The following CUX1 variants were observed in gnomAD, a reference collection of about 807,000 sequenced individuals.
The protein encoded by CUX1 is protein CASP.
In CUX1, 31 loss-of-function variants were observed where a neutral mutation model predicts 158.8. The ratio of observed to expected loss-of-function variants is 0.20; its 90% confidence interval spans 0.15 to 0.26. The LOEUF is 0.26. Ranked by LOEUF, CUX1 falls within the 10% of genes least tolerant of loss-of-function variation. The pLI is 1.00. For missense variants in CUX1, 1,589 were observed against 2,014.6 expected (o/e 0.79, Z 4.04); for synonymous variants, 879 against 862.1 (o/e 1.02, Z -0.34).
chr7:102,243,677 T>TA (rs200091734), intron 23 of CUX1, among the ~76,000 whole-genome samples: 3 of 139,054 alleles, frequency 2.2e-5, no homozygotes, highest in South Asian at 2.2e-4. Context: ...ATAATAATAA[T>TA]AAAATAAATG....
At chr7:102,275,057 C>T (rs981006629) in intron 16 of CUX1, among the ~76,000 whole-genome samples, 44 of 152,278 alleles carry the variant, frequency 2.9e-4, no homozygotes, top group African/African-American at 9.9e-4. Flanking sequence ...TCCATTCTCA[C>T]GCTCCCCGGT....
At chr7:101,934,345 T>C (rs1806668941) in intron 2 of CUX1, among the ~76,000 whole-genome samples, 1 of 152,230 alleles carries the variant, frequency 6.6e-6, no homozygotes, top group South Asian at 2.1e-4. Flanking sequence ...CTTTTCACTA[T>C]AATGCGCTCC....
chr7:101,972,388 A>T (rs1051815390), intron 2 of CUX1, among the ~76,000 whole-genome samples: 1 of 152,246 alleles, frequency 6.6e-6, no homozygotes, highest in Non-Finnish European at 1.5e-5. Flanking sequence ...CTTTTTAGAC[A>T]CATACCGTTC....
intron 2 of CUX1, among the ~76,000 whole-genome samples, chr7:101,966,999 TTTTTATTTTA>T (rs112895925): frequency 6.6e-6 from 1 of 152,152 alleles, no homozygotes; most frequent in Non-Finnish European, 1.5e-5. Flanking sequence ...ATTTGGAATT[TTTTTATTTTA>T]TTTTATTTTA....
Position 102,254,699 on chromosome 7 carries a change from G to A in CUX1, c.*5657G>A, listed in dbSNP as rs993276941. ...GCTTCTGTGGTTTCACCTGGGCATC[G>A]ACGACATTAGGGAAGCCTTTGTGAC... is the stretch of plus-strand genomic sequence containing the variant. On this transcript the variant is annotated 3_prime_UTR_variant, in exon 24 of 24. Coordinates refer to ENST00000292535, the MANE Select transcript of CUX1 (RefSeq NM_181552.4). The A allele has an allele frequency of 4.2e-5, 41 of 985,496 alleles. No homozygotes were observed. The highest frequency in any genetic ancestry group is 1.0e-3 in the Middle Eastern group (2 of 1,916). The allele number at this position is 985,496 out of a possible 1,614,324, so 61.0% of individuals were successfully genotyped here.
intron 1 of CUX1, among the ~76,000 whole-genome samples, chr7:101,843,803 G>A (rs978417549): frequency 5.3e-5 from 8 of 152,116 alleles, no homozygotes; most frequent in South Asian, 2.1e-4. Context: ...CAGAATCAGC[G>A]TCACCAGGTA....
At chr7:102,234,842 G>T (rs1554532066) in intron 22 of CUX1, among the ~76,000 whole-genome samples, 2 of 151,340 alleles carry the variant, frequency 1.3e-5, no homozygotes, top group Non-Finnish European at 2.9e-5. Flanking sequence ...TGAGGCACAA[G>T]AATCGCTTGA....
At chr7:102,124,851 G>A (rs1031165193) in intron 8 of CUX1, among the ~76,000 whole-genome samples, 3 of 150,934 alleles carry the variant, frequency 2.0e-5, no homozygotes, top group African/African-American at 4.9e-5. Context: ...GCATGATCTC[G>A]GCTCACTGCA....
At chr7:101,959,551 G>A (rs949117481) in intron 2 of CUX1, 3 of 152,194 alleles carry the variant, frequency 2.0e-5, no homozygotes, top group African/African-American at 7.2e-5. Flanking sequence ...TGCCAACCAG[G>A]AAAGCCGCCT....
intron 1 of CUX1, among the ~76,000 whole-genome samples, chr7:101,819,748 T>G (rs759270046): frequency 8.5e-5 from 13 of 152,218 alleles, no homozygotes; most frequent in Non-Finnish European, 1.5e-4. Flanking sequence ...GATTTAAGTT[T>G]TTTCCTATGT....
rs182125790 is a variant in CUX1, at chr7:102,138,123, G to A, written c.675-20437G>A. On this transcript the variant is annotated intron_variant, in intron 8 of 23. Transcript: ENST00000292535. Reference sequence around the variant, plus strand: ...TGCTTGAGCCCAGGAGGTCAAGGCTGCAGTGAGCCAAAATCGTGCCACTGC... The same window carrying A: ...TGCTTGAGCCCAGGAGGTCAAGGCTACAGTGAGCCAAAATCGTGCCACTGC... Among the ~76,000 whole-genome samples the A allele has an allele frequency of 1.7e-3, 262 of 151,868 alleles. 1 individual carries two copies. The highest frequency in any genetic ancestry group is 6.1e-3 in the African/African-American group (252 of 41,430).
rs571950763 is a variant in CUX1, at chr7:102,252,555, C to A, written c.*3513C>A. The A allele has an allele frequency of 5.1e-6, 5 of 985,416 alleles. No individual in the cohort carries two copies. The South Asian group carries it at 1.4e-4, about 28-fold the overall frequency. The allele number at this position is 985,416 out of a possible 1,614,324, so 61.0% of individuals were successfully genotyped here. A position where few individuals can be genotyped will look rare whatever the true frequency, so the allele number is the denominator to read the frequency against. ...CATTGTTCATAACTTAAGGCTTTTG[C>A]CATTAACTTAGCTGGCTAAGCAGAG... is the stretch of plus-strand genomic sequence containing the variant. On this transcript the variant is annotated 3_prime_UTR_variant, in exon 24 of 24. Coordinates refer to ENST00000292535, the MANE Select transcript of CUX1 (RefSeq NM_181552.4).
chr7:102,100,201 C>T (rs1437149235), intron 5 of CUX1, among the ~76,000 whole-genome samples: 1 of 152,068 alleles, frequency 6.6e-6, no homozygotes, highest in Non-Finnish European at 1.5e-5. Flanking sequence ...TGACTTGAAC[C>T]TGGGAGGTGG....
rs1401244008 is a variant in CUX1, at chr7:101,870,149, T to TTTG, written c.31-45964_31-45963insGTT. ...TGCAGGCCCTGATGTTTAGTGTTTTTTTTGTTTTTTTTTTTTTTTTTAAAG... is the reference window on the plus strand; with the variant it reads ...TGCAGGCCCTGATGTTTAGTGTTTTTTTGTTTGTTTTTTTTTTTTTTTTTAAAG... On this transcript the variant is annotated intron_variant, in intron 1 of 23. Coordinates refer to ENST00000292535, the MANE Select transcript of CUX1 (RefSeq NM_181552.4). 7.0e-5 allele frequency among the ~76,000 whole-genome samples: 8 copies of TTTG among 113,636 alleles called. No individual in the cohort carries two copies. In the East Asian group the frequency reaches 2.5e-3, roughly 35 times the overall value. The allele number at this position is 113,636 out of a possible 152,430, so 74.5% of individuals were successfully genotyped here.
intron 20 of CUX1, among the ~76,000 whole-genome samples, chr7:102,217,451 T>A (rs1450997609): frequency 2.6e-5 from 4 of 152,244 alleles, no homozygotes; most frequent in Admixed American, 6.5e-5. Context: ...TGCAGCTTCC[T>A]CCTCGTGCAT....
chr7:102,168,375 C>T (rs782648201), intron 9 of CUX1, among the ~76,000 whole-genome samples: 4 of 152,042 alleles, frequency 2.6e-5, no homozygotes, highest in Admixed American at 6.5e-5. Context: ...TGGCTGGGCG[C>T]GGTGGCTCAT....
chr7:101,855,359 C>A (rs562962082), intron 1 of CUX1, among the ~76,000 whole-genome samples: 1 of 152,176 alleles, frequency 6.6e-6, no homozygotes, highest in Non-Finnish European at 1.5e-5. Context: ...GGTGAGGGGC[C>A]GTGTCCTCCG....
chr7:101,874,522 G>A (rs1463295312), intron 1 of CUX1, among the ~76,000 whole-genome samples: 3 of 152,218 alleles, frequency 2.0e-5, no homozygotes, highest in Non-Finnish European at 2.9e-5. Context: ...GCCAGGCACC[G>A]TTGGGAACTT....
chr7:101,828,452 G>T (rs1202141880), intron 1 of CUX1, among the ~76,000 whole-genome samples: 3 of 152,322 alleles, frequency 2.0e-5, no homozygotes, highest in East Asian at 3.9e-4. Context: ...ACAGAGGTCT[G>T]TTTGACTCTG....
Sources: gnomAD v4.1 joint callset for allele counts (sites outside exome capture counted in the v4.1 genomes callset) on GRCh38, gnomAD v4.1.1 for gene constraint, MANE v1.5 for transcripts, NCBI Gene and HGNC (gene_info 2026-07-23, HGNC 2026-07-21) for gene names.